MCC: variants seen among roughly 807,000 people sequenced by gnomAD.
The protein encoded by MCC is MCC regulator of Wnt signaling pathway.
A neutral mutation model predicts 116.2 loss-of-function variants in MCC; 90 were observed. The ratio of observed to expected loss-of-function variants is 0.77; its 90% CI spans 0.65 to 0.92. The LOEUF (loss-of-function observed/expected upper bound fraction) is 0.92, where lower values mean the gene tolerates loss of function less well. MCC is among the 40% of genes least tolerant of loss of function. MCC has a pLI of 0.00. For missense variants in MCC, 1,516 were observed against 1,312.2 expected (o/e 1.16, Z -2.40); for synonymous variants, 578 against 510.5 (o/e 1.13, Z -1.78).
intron 3 of MCC, among the ~76,000 whole-genome samples, chr5:113,237,747 T>G (rs1423155287): frequency 6.6e-6 from 1 of 152,222 alleles, no homozygotes; most frequent in Non-Finnish European, 1.5e-5. Context: ...TCTGACTGAT[T>G]CAGAAACTTG....
At chr5:113,222,843 T>C (rs559892271) in intron 3 of MCC, among the ~76,000 whole-genome samples, 3 of 152,156 alleles carry the variant, frequency 2.0e-5, no homozygotes, top group Non-Finnish European at 2.9e-5. Context: ...GAAGGAGATA[T>C]GGTAAAAAGA....
chr5:113,242,995 G>A (rs138758308), intron 3 of MCC, among the ~76,000 whole-genome samples: 2 of 152,316 alleles, frequency 1.3e-5, no homozygotes, highest in African/African-American at 4.8e-5. Context: ...TGGAGGGAAA[G>A]TCTGTTTCTC....
intron 3 of MCC, among the ~76,000 whole-genome samples, chr5:113,286,942 G>C (rs921200812): frequency 3.9e-5 from 6 of 152,184 alleles, no homozygotes; most frequent in Non-Finnish European, 7.3e-5. Context: ...GAAAGACAGG[G>C]TATCTCTGTA....
chr5:113,468,864 G>A (rs1454660539), intron 1 of MCC, among the ~76,000 whole-genome samples: 1 of 152,146 alleles, frequency 6.6e-6, no homozygotes, highest in Non-Finnish European at 1.5e-5. Context: ...TTCAGATCCT[G>A]TTATTGGTCT....
intron 3 of MCC, among the ~76,000 whole-genome samples, chr5:113,154,952 C>A (rs922909481): frequency 6.6e-6 from 1 of 152,072 alleles, no homozygotes; most frequent in Non-Finnish European, 1.5e-5. Flanking sequence ...GCTATAGTAA[C>A]CCTACTGTGC....
At chr5:113,202,796 A>AC (rs1332171904) in intron 3 of MCC, among the ~76,000 whole-genome samples, 3 of 151,228 alleles carry the variant, frequency 2.0e-5, no homozygotes, top group Admixed American at 6.6e-5. Flanking sequence ...TTAAAAAAAA[A>AC]AAAAAAAACT....
At chr5:113,159,384 G>A (rs1760357877) in intron 3 of MCC, among the ~76,000 whole-genome samples, 1 of 152,144 alleles carries the variant, frequency 6.6e-6, no homozygotes. Context: ...CCTAAAAATG[G>A]AATGAGTTTT....
chr5:113,027,339 T>C lies in MCC; in HGVS notation c.3023A>G (p.Glu1008Gly). ...LKQRIALLEE[E>G]NSRPHTNETS... ...TTCATTGGTGTGTGGCCTGGAGTTC[T>C]CCTCCTCTAGCAGAGCTATTCTTTG... is the stretch of plus-strand genomic sequence containing the variant. The change falls in exon 19 of 19, where the codon GAG becomes GGG. Residue 1008 changes from glutamate to glycine, a missense_variant. Coordinates refer to ENST00000408903, the MANE Select transcript of MCC (RefSeq NM_001085377.2). 1.2e-6 allele frequency: 2 copies of C among 1,614,156 alleles called. No homozygotes were observed. The highest frequency in any genetic ancestry group is 1.7e-6 in the Non-Finnish European group (2 of 1,179,970).
chr5:113,153,027 G>A (rs1423813046), intron 3 of MCC, among the ~76,000 whole-genome samples: 2 of 152,114 alleles, frequency 1.3e-5, no homozygotes, highest in Admixed American at 6.5e-5. Context: ...GAAGGGGAAC[G>A]AATTCACTCC....
chr5:113,288,228 C>A (rs1160504266), intron 3 of MCC, among the ~76,000 whole-genome samples: 1 of 152,266 alleles, frequency 6.6e-6, no homozygotes, highest in African/African-American at 2.4e-5. Flanking sequence ...CAAGCCTCGG[C>A]ACTCTGCAGC....
At chr5:113,293,973 C>T (rs948105527) in intron 3 of MCC, among the ~76,000 whole-genome samples, 2 of 152,074 alleles carry the variant, frequency 1.3e-5, no homozygotes, top group African/African-American at 4.8e-5. Flanking sequence ...CGGGAATGTC[C>T]GTGTATTTTA....
At chr5:113,371,499 G>A (rs1007349377) in intron 2 of MCC, among the ~76,000 whole-genome samples, 2 of 152,086 alleles carry the variant, frequency 1.3e-5, no homozygotes, top group African/African-American at 4.8e-5. Context: ...AATCTGACAC[G>A]GTAATATTTT....
At chr5:113,169,028 C>T (rs1760925516) in intron 3 of MCC, among the ~76,000 whole-genome samples, 1 of 152,118 alleles carries the variant, frequency 6.6e-6, no homozygotes, top group South Asian at 2.1e-4. Context: ...GCCTCCCCAT[C>T]ACCAATCCCC....
chr5:113,479,408 T>A (rs750442840), intron 1 of MCC, among the ~76,000 whole-genome samples: 1 of 152,180 alleles, frequency 6.6e-6, no homozygotes, highest in Non-Finnish European at 1.5e-5. Flanking sequence ...GGTATATAAA[T>A]TTGTCAAAAC....
intron 1 of MCC, among the ~76,000 whole-genome samples, chr5:113,459,381 C>CA (rs1213915471): frequency 3.3e-5 from 5 of 151,536 alleles, no homozygotes; most frequent in South Asian, 2.1e-4. Context: ...CCTAAAAATA[C>CA]AAAAAAATTG....
intron 5 of MCC, among the ~76,000 whole-genome samples, chr5:113,134,157 A>G (rs1758647816): frequency 6.6e-6 from 1 of 152,212 alleles, no homozygotes; most frequent in African/African-American, 2.4e-5. Context: ...CCCAGACTCA[A>G]TGTCCTAGTG....
intron 1 of MCC, chr5:113,447,978 T>C (rs751372744): frequency 1.3e-5 from 2 of 152,224 alleles, no homozygotes; most frequent in African/African-American, 4.8e-5. Context: ...ATCTGGCCTC[T>C]ATCTGGGGAG....
At chr5:113,344,952 G>A (rs1768097716) in intron 2 of MCC, among the ~76,000 whole-genome samples, 1 of 152,098 alleles carries the variant, frequency 6.6e-6, no homozygotes, top group Admixed American at 6.5e-5. Context: ...GCAGGTACCA[G>A]CTCAGCCACA....
chr5:113,053,352 C>T (rs541254590), intron 15 of MCC, among the ~76,000 whole-genome samples: 2 of 152,258 alleles, frequency 1.3e-5, no homozygotes, highest in South Asian at 4.2e-4. Context: ...CCTGTTCTCC[C>T]CCTGCCGGAG....
Sources: gnomAD v4.1 joint callset for allele counts (sites outside exome capture counted in the v4.1 genomes callset) on GRCh38, gnomAD v4.1.1 for gene constraint, MANE v1.5 for transcripts, NCBI Gene and HGNC (gene_info 2026-07-23, HGNC 2026-07-21) for gene names.